Variants in BICRAL observed in about 807,000 individuals in gnomAD.
The protein encoded by BICRAL is BICRA like chromatin remodeling complex associated protein, also known as BRD4-interacting chromatin-remodeling complex-associated protein-like.
In BICRAL, 8 loss-of-function variants were observed where a neutral mutation model predicts 91.8. That is an observed-to-expected ratio of 0.09 (90% CI 0.05 to 0.16). The LOEUF is 0.16. Ranked by LOEUF, BICRAL falls within the 10% of genes least tolerant of loss-of-function variation. The pLI, the probability that BICRAL is intolerant of heterozygous loss-of-function variation, is 1.00. For synonymous variants in BICRAL, 445 were observed against 491.1 expected (o/e 0.91, Z 1.24); for missense variants, 1,038 against 1,310.9 (o/e 0.79, Z 3.21).
rs187290208 is a variant in BICRAL at position 42,834,684 on chromosome 6, T to G, written c.1839+4512T>G. On this transcript the variant is annotated intron_variant, in intron 6 of 12. Coordinates refer to ENST00000314073, the MANE Select transcript of BICRAL (RefSeq NM_001393499.1). ...ATAAAATAATTATACAATAATTTAT[T>G]TTAATGCTCAAGTCTACCCACATTT... Among the ~76,000 whole-genome samples, 54 of 152,282 alleles carry G rather than the reference T, an allele frequency of 3.5e-4. No individual in the cohort carries two copies. The East Asian group carries it at 9.4e-3, about 27-fold the overall frequency.
At chr6:42,798,310 A>G (rs1763470592) in intron 1 of BICRAL, among the ~76,000 whole-genome samples, 1 of 152,146 alleles carries the variant, frequency 6.6e-6, no homozygotes, top group African/African-American at 2.4e-5. Flanking sequence ...CCATGTAACA[A>G]ATATGCACAT....
intron 9 of BICRAL, among the ~76,000 whole-genome samples, chr6:42,856,335 C>G (rs886969253): frequency 3.9e-5 from 5 of 129,072 alleles, no homozygotes; most frequent in African/African-American, 1.4e-4. Context: ...TACATATATA[C>G]TTTGAAAATC....
At position 42,822,074 on chromosome 6, in the gene BICRAL, T is replaced by A. The variant is rs749799678; in HGVS notation, c.41+11T>A. On this transcript the variant is annotated intron_variant, in intron 3 of 12. Transcript: ENST00000314073. ...CCTTGATCTTATTGGGTAAGATGCT[T>A]ATTCCAAAACCTGGGTAAATCAAAT... is the stretch of plus-strand genomic sequence containing the variant. 1 of 1,580,526 alleles carries A rather than the reference T, an allele frequency of 6.3e-7. No individual in the cohort carries two copies. The highest frequency in any genetic ancestry group is 2.2e-5 in the East Asian group (1 of 44,616).
intron 6 of BICRAL, 112 bp from the exon 7 acceptor site, chr6:42,851,980 A>G: frequency 1.5e-6 from 1 of 651,374 alleles, no homozygotes; most frequent in Non-Finnish European, 2.7e-6. Context: ...GTTTGTTTAT[A>G]ATCTAACCTG....
intron 1 of BICRAL, among the ~76,000 whole-genome samples, chr6:42,768,539 G>T (rs1197426826): frequency 2.6e-5 from 4 of 152,192 alleles, no homozygotes. Context: ...AAGAAAGTGA[G>T]CTTGCTCAGA....
chr6:42,791,875 A>G (rs1172663444), intron 1 of BICRAL, among the ~76,000 whole-genome samples: 1 of 152,202 alleles, frequency 6.6e-6, no homozygotes, highest in African/African-American at 2.4e-5. Flanking sequence ...GAGTGCTCTT[A>G]CGCAAACCAA....
At chr6:42,864,025 G>A (rs947026428) in intron 12 of BICRAL, among the ~76,000 whole-genome samples, 9 of 152,064 alleles carry the variant, frequency 5.9e-5, no homozygotes, top group African/African-American at 2.2e-4. Context: ...AAATTAGTCC[G>A]TTGTGGTGGC....
At chr6:42,795,546 G>A (rs1763395059) in intron 1 of BICRAL, among the ~76,000 whole-genome samples, 1 of 152,168 alleles carries the variant, frequency 6.6e-6, no homozygotes. Flanking sequence ...TTTAATAGAT[G>A]TTCTATGTTT....
chr6:42,823,689 C>T (rs576005131), intron 5 of BICRAL, among the ~76,000 whole-genome samples: 103 of 151,948 alleles, frequency 6.8e-4, no homozygotes, highest in South Asian at 1.5e-3. Flanking sequence ...TTTGGGAGGC[C>T]GAGGCAGGTG....
rs751590419 is a variant in BICRAL, at chr6:42,822,957, C to G, written c.113C>G (p.Ala38Gly). 6.2e-7 allele frequency: 1 copy of G among 1,611,060 alleles called. No homozygotes were observed. The highest frequency in any genetic ancestry group is 8.5e-7 in the Non-Finnish European group (1 of 1,177,368). ...NKSSNDDLTN[A>G]GYSAANSNSI... ...CAGAGCAATGATGACTTGACTAATG[C>G]AGGATATTCTGCAGCCAATTCAAAT... Residue 38 changes from alanine (A) to glycine (G), a missense_variant, in exon 5 of 13, where the codon GCA becomes GGA. Physicochemically the swap from Ala to Gly is moderately conservative, Grantham distance 60. Transcript: ENST00000314073.
intron 1 of BICRAL, among the ~76,000 whole-genome samples, chr6:42,756,420 C>T (rs1177881236): frequency 6.6e-6 from 1 of 151,994 alleles, no homozygotes; most frequent in Non-Finnish European, 1.5e-5. Flanking sequence ...TTTCTTGTTC[C>T]TCTCACCTCC....
chr6:42,809,641 A>G (rs1216860769), intron 1 of BICRAL, among the ~76,000 whole-genome samples: 1 of 151,142 alleles, frequency 6.6e-6, no homozygotes, highest in East Asian at 2.0e-4. Flanking sequence ...TGCCCAGCTA[A>G]TTTTTTGTAT....
intron 1 of BICRAL, among the ~76,000 whole-genome samples, chr6:42,804,742 T>C (rs996759009): frequency 2.0e-5 from 3 of 152,188 alleles, no homozygotes; most frequent in Admixed American, 2.0e-4. Flanking sequence ...TGAGCCAGTA[T>C]ATTCAGTTCT....
intron 1 of BICRAL, among the ~76,000 whole-genome samples, chr6:42,763,054 T>C (rs558101168): frequency 2.0e-5 from 3 of 152,316 alleles, no homozygotes; most frequent in Admixed American, 2.0e-4. Context: ...CTGCCCCTTA[T>C]TGTCCAGTAG....
intron 5 of BICRAL, among the ~76,000 whole-genome samples, chr6:42,823,840 C>T (rs1405498296): frequency 6.6e-6 from 1 of 151,730 alleles, no homozygotes; most frequent in African/African-American, 2.4e-5. Flanking sequence ...CAGAGAATTG[C>T]ATAAACCCAG....
At chr6:42,848,140 A>AAAAACAG (rs1336423041) in intron 6 of BICRAL, among the ~76,000 whole-genome samples, 22 of 151,848 alleles carry the variant, frequency 1.4e-4, no homozygotes, top group African/African-American at 4.6e-4. Context: ...AAAAGAAAAA[A>AAAAACAG]AAAACAGAAA....
At chr6:42,766,706 G>T (rs1260794387) in intron 1 of BICRAL, among the ~76,000 whole-genome samples, 2 of 152,054 alleles carry the variant, frequency 1.3e-5, no homozygotes, top group African/African-American at 4.8e-5. Flanking sequence ...GGGTGTGGTG[G>T]TGAGCACCAG....
chr6:42,804,014 GTGTTTGTT>G (rs758257021), intron 1 of BICRAL, among the ~76,000 whole-genome samples: 1 of 151,040 alleles, frequency 6.6e-6, no homozygotes, highest in Non-Finnish European at 1.5e-5. Context: ...TATTGTTGTT[GTGTTTGTT>G]TGTTTGTTTG....
chr6:42,766,845 C>A (rs945978105), intron 1 of BICRAL, among the ~76,000 whole-genome samples: 1 of 152,094 alleles, frequency 6.6e-6, no homozygotes, highest in Non-Finnish European at 1.5e-5. Flanking sequence ...TCGAGACCAT[C>A]CTGGCTAACA....
Sources: allele counts gnomAD v4.1 joint callset (sites outside exome capture counted in the v4.1 genomes callset), GRCh38; gene constraint gnomAD v4.1.1; transcripts MANE v1.5; gene names NCBI Gene and HGNC (gene_info 2026-07-23, HGNC 2026-07-21).